The following CHD6 variants were observed in gnomAD, a reference collection of about 807,000 sequenced individuals.
The protein encoded by CHD6 is ATP-dependent chromatin remodeler CHD6.
A neutral mutation model predicts 276.9 loss-of-function variants in CHD6; 50 were observed. The observed-to-expected ratio is 0.18, with a 90% CI of 0.14 to 0.23. The LOEUF is 0.23. CHD6 is among the 10% of genes least tolerant of loss of function. CHD6 has a pLI of 1.00. For missense variants in CHD6, 2,564 were observed against 3,365.8 expected (o/e 0.76, Z 5.89); for synonymous variants, 1,173 against 1,229.3 (o/e 0.95, Z 0.96).
At chr20:41,539,176 T>C (rs1241957070) in intron 2 of CHD6, among the ~76,000 whole-genome samples, 2 of 152,230 alleles carry the variant, frequency 1.3e-5, no homozygotes, top group Non-Finnish European at 2.9e-5. Flanking sequence ...CCCCACACAC[T>C]GACTGAACAT....
At chr20:41,407,088 C>T (rs754510426) in intron 36 of CHD6, among the ~76,000 whole-genome samples, 4 of 152,238 alleles carry the variant, frequency 2.6e-5, no homozygotes, top group African/African-American at 9.6e-5. Flanking sequence ...GGCCGGAATG[C>T]GCAGCCTACG....
At chr20:41,571,705 A>T (rs1040106397) in intron 1 of CHD6, among the ~76,000 whole-genome samples, 1 of 152,166 alleles carries the variant, frequency 6.6e-6, no homozygotes, top group Non-Finnish European at 1.5e-5. Flanking sequence ...AAACATTAAA[A>T]AAAAAAGGAT....
At chr20:41,606,315 C>T (rs1012839181) in intron 1 of CHD6, among the ~76,000 whole-genome samples, 7 of 152,068 alleles carry the variant, frequency 4.6e-5, no homozygotes, top group South Asian at 2.1e-4. Context: ...ATCAAGACCA[C>T]CCTGGCTAAC....
intron 18 of CHD6, among the ~76,000 whole-genome samples, chr20:41,456,557 ACT>A (rs748017905): frequency 9.2e-5 from 14 of 151,996 alleles, no homozygotes; most frequent in Non-Finnish European, 2.1e-4. Flanking sequence ...GAATTCCATG[ACT>A]CTCTGCATGA....
chr20:41,447,843 A>G (rs542679526), intron 24 of CHD6, 39 bp downstream of exon 24: 4 of 1,468,466 alleles, frequency 2.7e-6, no homozygotes, highest in South Asian at 2.4e-5. Flanking sequence ...TTTTATGTCA[A>G]TTCTTTAACG....
chr20:41,431,776 C>CTGTTTTTTTTTTT (rs2047544451), intron 27 of CHD6, among the ~76,000 whole-genome samples: 1 of 104,762 alleles, frequency 9.5e-6, no homozygotes. Context: ...AAAAAACATG[C>CTGTTTTTTTTTTT]TTTTTTTTTT....
intron 1 of CHD6, among the ~76,000 whole-genome samples, chr20:41,598,457 C>T (rs1160090136): frequency 2.6e-5 from 4 of 152,152 alleles, no homozygotes; most frequent in Admixed American, 6.5e-5. Flanking sequence ...TAAACAAAAG[C>T]GACTGTTAAC....
intron 1 of CHD6, among the ~76,000 whole-genome samples, chr20:41,576,768 T>C (rs1287998871): frequency 6.6e-6 from 1 of 152,208 alleles, no homozygotes; most frequent in African/African-American, 2.4e-5. Flanking sequence ...CCCTCATCTT[T>C]TTCCATTTTA....
chr20:41,497,134 T>C (rs1246672014), intron 8 of CHD6: 2 of 438,218 alleles, frequency 4.6e-6, no homozygotes, highest in Non-Finnish European at 8.4e-6. Context: ...ACTCTAGCTA[T>C]TTATTAGTAT....
rs1386411987 is a variant in CHD6, at chr20:41,488,621, C to A, written c.1681-17G>T. On this transcript the variant is annotated splice_polypyrimidine_tract_variant and intron_variant, in intron 12 of 36. Coordinates refer to ENST00000373233, the MANE Select transcript of CHD6 (RefSeq NM_032221.5). Reference sequence around the variant, plus strand: ...GGGGTTTCCCTGAGGATGACACAACCAAAGTCAAAGCTTTACACCATGGCT... The same window carrying A: ...GGGGTTTCCCTGAGGATGACACAACAAAAGTCAAAGCTTTACACCATGGCT... 6.2e-7 allele frequency: 1 copy of A among 1,607,928 alleles called. No homozygotes were observed. Among genetic ancestry groups the A allele is most frequent in the Non-Finnish European group, 8.5e-7 (1 of 1,177,064 alleles).
chr20:41,498,075 A>G, intron 7 of CHD6, 93 bp downstream of exon 7: 1 of 883,042 alleles, frequency 1.1e-6, no homozygotes, highest in Non-Finnish European at 1.9e-6. Flanking sequence ...TAGAGGCAAG[A>G]CTCTGAAGAT....
chr20:41,608,545 C>T (rs2045853186), intron 1 of CHD6, among the ~76,000 whole-genome samples: 1 of 152,160 alleles, frequency 6.6e-6, no homozygotes, highest in African/African-American at 2.4e-5. Flanking sequence ...TTTCAGGACC[C>T]TAATCCTTGG....
intron 1 of CHD6, among the ~76,000 whole-genome samples, chr20:41,583,345 T>C (rs1271096237): frequency 6.6e-6 from 1 of 151,740 alleles, no homozygotes; most frequent in East Asian, 1.9e-4. Flanking sequence ...AGACTACTCA[T>C]CAGATTTTTT....
chr20:41,497,552 C>T (rs367637972), intron 7 of CHD6, 51 bp from the exon 8 acceptor site: 119 of 1,289,300 alleles, frequency 9.2e-5, no homozygotes, highest in Non-Finnish European at 1.3e-4. Flanking sequence ...AGCAAATGAT[C>T]GAGCTTTAAG....
chr20:41,547,706 G>T, intron 2 of CHD6: 1 of 662,178 alleles, frequency 1.5e-6, no homozygotes, highest in Non-Finnish European at 2.6e-6. Flanking sequence ...GAAAGAAACA[G>T]AAAAACATTA....
intron 8 of CHD6, among the ~76,000 whole-genome samples, chr20:41,496,005 G>C (rs2043677116): frequency 6.6e-6 from 1 of 152,212 alleles, no homozygotes; most frequent in Admixed American, 6.5e-5. Flanking sequence ...TTCCCACCAT[G>C]ACAGTCCTCT....
At chr20:41,486,263 C>A (rs1261351160) in intron 14 of CHD6, 2 of 152,152 alleles carry the variant, frequency 1.3e-5, no homozygotes, top group Non-Finnish European at 2.9e-5. Context: ...TTACTATATG[C>A]CAGACATTGT....
At chr20:41,605,569 T>C (rs796496344) in intron 1 of CHD6, among the ~76,000 whole-genome samples, 5 of 152,342 alleles carry the variant, frequency 3.3e-5, no homozygotes, top group African/African-American at 1.2e-4. Flanking sequence ...GTTGGATACT[T>C]TACCTGAATT....
At chr20:41,598,127 A>G (rs2045737585) in intron 1 of CHD6, among the ~76,000 whole-genome samples, 1 of 152,158 alleles carries the variant, frequency 6.6e-6, no homozygotes, top group Middle Eastern at 3.2e-3. Context: ...CAGCAAAACT[A>G]ATGTAATCCA....
Sources: gnomAD v4.1 joint callset for allele counts (sites outside exome capture counted in the v4.1 genomes callset) on GRCh38, gnomAD v4.1.1 for gene constraint, MANE v1.5 for transcripts, NCBI Gene and HGNC (gene_info 2026-07-23, HGNC 2026-07-21) for gene names.